Variants in ITGB5 observed in about 807,000 individuals in gnomAD.
ITGB5 encodes the protein integrin subunit beta 5.
In ITGB5, 38 loss-of-function variants were observed where a neutral mutation model predicts 84.8. The ratio of observed to expected loss-of-function variants is 0.45; its 90% confidence interval spans 0.35 to 0.59. The LOEUF is 0.59. ITGB5 is among the 20% of genes least tolerant of loss of function. The probability of loss-of-function intolerance (pLI) is 0.01; values close to 1 mark genes in which losing one functional copy is unlikely to be tolerated. For synonymous variants in ITGB5, 393 were observed against 414.4 expected (o/e 0.95, Z 0.63); for missense variants, 905 against 1,034.5 (o/e 0.87, Z 1.72).
At chr3:124,859,087 T>C (rs1416644761) in intron 3 of ITGB5, among the ~76,000 whole-genome samples, 155 bp downstream of exon 3, 1 of 152,194 alleles carries the variant, frequency 6.6e-6, no homozygotes, top group Non-Finnish European at 1.5e-5. Context: ...AAGAATATAC[T>C]CTGCTTCCTG....
chr3:124,868,618 CAAAA>C (rs67873873), intron 2 of ITGB5, among the ~76,000 whole-genome samples: 22 of 68,154 alleles, frequency 3.2e-4, no homozygotes, highest in African/African-American at 7.1e-4. Flanking sequence ...TGTTCTCTAC[CAAAA>C]AAAAAAAAAA....
chr3:124,851,672 A>C (rs1432313158), intron 3 of ITGB5, among the ~76,000 whole-genome samples: 1 of 151,870 alleles, frequency 6.6e-6, no homozygotes, highest in Non-Finnish European at 1.5e-5. Flanking sequence ...GGAAGGCTGC[A>C]GTTGTTAAAA....
In ITGB5 at chr3:124,841,448, C is replaced by T; in HGVS notation, c.715G>A (p.Val239Met). The change falls in exon 5 of 15, where the codon GTG becomes ATG. Residue 239 changes from valine to methionine, a missense_variant. Around this residue, in one of 3 missense-constraint regions of ITGB5, gnomAD observed 656 missense variants for 734.7 expected, o/e 0.89. Coordinates refer to ENST00000296181, the MANE Select transcript of ITGB5 (RefSeq NM_002213.5). Reference protein sequence around the residue: ...SFNEEVRKQRVSRNRDAPEGG... With the variant: ...SFNEEVRKQRMSRNRDAPEGG... ...TCAGGGGCATCTCGGTTCCGGGACA[C>T]CCTCTGTTTCCGAACTTCCTCATTG... 6.2e-7 allele frequency: 1 copy of T among 1,614,246 alleles called. No homozygotes were observed. Among genetic ancestry groups the T allele is most frequent in the Non-Finnish European group, 8.5e-7 (1 of 1,180,038 alleles).
At chr3:124,825,491 C>A (rs1393863116) in intron 5 of ITGB5, among the ~76,000 whole-genome samples, 1 of 152,186 alleles carries the variant, frequency 6.6e-6, no homozygotes, top group African/African-American at 2.4e-5. Flanking sequence ...TACATCCATA[C>A]AATTAAATAC....
chr3:124,869,750 C>A (rs2065447959), intron 2 of ITGB5, among the ~76,000 whole-genome samples: 1 of 152,154 alleles, frequency 6.6e-6, no homozygotes, highest in South Asian at 2.1e-4. Context: ...AGAGAGGGAG[C>A]CCAGTGGGCT....
intron 3 of ITGB5, among the ~76,000 whole-genome samples, chr3:124,852,112 C>T (rs3772852): frequency 6.6e-6 from 1 of 151,906 alleles, no homozygotes; most frequent in Non-Finnish European, 1.5e-5. Context: ...ACACCCGAGA[C>T]TTTAAGCCAA....
chr3:124,848,676 C>T, intron 3 of ITGB5, 118 bp from the exon 4 acceptor site: 1 of 1,125,562 alleles, frequency 8.9e-7, no homozygotes. Context: ...TTGTGTGCCT[C>T]ACAGAAGATT....
intron 2 of ITGB5, among the ~76,000 whole-genome samples, chr3:124,870,788 C>T (rs917210150): frequency 3.3e-5 from 5 of 149,930 alleles, no homozygotes; most frequent in Admixed American, 3.3e-4. Flanking sequence ...CAAATGGATA[C>T]ACAGATAAAT....
At chr3:124,875,932 GA>G (rs1401332360) in intron 1 of ITGB5, among the ~76,000 whole-genome samples, 3 of 152,146 alleles carry the variant, frequency 2.0e-5, no homozygotes, top group Non-Finnish European at 2.9e-5. Flanking sequence ...ACGTGGAGTG[GA>G]AAAAAACTGA....
chr3:124,835,168 T>TGAAC (rs2064916128), intron 5 of ITGB5, among the ~76,000 whole-genome samples: 1 of 151,936 alleles, frequency 6.6e-6, no homozygotes, highest in Non-Finnish European at 1.5e-5. Context: ...CTCTCCCACG[T>TGAAC]GCCCTGTTCA....
At chr3:124,889,047 G>A (rs1934935087), upstream of ITGB5, among the ~76,000 whole-genome samples, 1 of 152,162 alleles carries the variant, frequency 6.6e-6, no homozygotes. Flanking sequence ...GAAAAATCAA[G>A]CTGGGAACCG....
At chr3:124,850,156 T>G (rs1171669477) in intron 3 of ITGB5, among the ~76,000 whole-genome samples, 1 of 152,036 alleles carries the variant, frequency 6.6e-6, no homozygotes, top group Non-Finnish European at 1.5e-5. Context: ...TCCTCTATGC[T>G]TCCTCTCCTC....
intron 1 of ITGB5, among the ~76,000 whole-genome samples, chr3:124,894,057 A>C (rs1267194805): frequency 6.6e-6 from 1 of 151,514 alleles, no homozygotes; most frequent in Non-Finnish European, 1.5e-5. Context: ...TTCTAGAGGA[A>C]ATATATATTT....
chr3:124,861,521 C>CACACAT (rs2065301034), intron 2 of ITGB5, among the ~76,000 whole-genome samples: 1 of 146,924 alleles, frequency 6.8e-6, no homozygotes, highest in African/African-American at 2.6e-5. Context: ...CACACACACA[C>CACACAT]ACACACAGAG....
intron 4 of ITGB5, among the ~76,000 whole-genome samples, chr3:124,844,553 C>T (rs562493852): frequency 3.3e-5 from 5 of 151,832 alleles, no homozygotes; most frequent in East Asian, 3.9e-4. Context: ...GAGCAAGACT[C>T]GGTCTCAAAA....
chr3:124,763,555 G>A lies in ITGB5; in HGVS notation c.*68C>T. On this transcript the variant is annotated 3_prime_UTR_variant, in exon 15 of 15. Coordinates refer to ENST00000296181, the MANE Select transcript of ITGB5 (RefSeq NM_002213.5). ...TAGGGAGCTGTGATCAAGCCGAGCA[G>A]CCGTGCAAGGCGTTTCAGTCTGACC... 1.1e-6 allele frequency: 1 copy of A among 944,358 alleles called. No homozygotes were observed. The highest frequency in any genetic ancestry group is 1.6e-5 in the African/African-American group (1 of 62,516). The allele number at this position is 944,358 out of a possible 1,614,324, so 58.5% of individuals were successfully genotyped here.
chr3:124,889,173 A>C (rs777620532), upstream of ITGB5, among the ~76,000 whole-genome samples: 2 of 152,188 alleles, frequency 1.3e-5, no homozygotes, highest in Non-Finnish European at 2.9e-5. Flanking sequence ...GACAGAACTC[A>C]AAGTCATCCC....
At chr3:124,841,705 A>G (rs926621532) in intron 4 of ITGB5, among the ~76,000 whole-genome samples, 154 bp from the exon 5 acceptor site, 1 of 152,248 alleles carries the variant, frequency 6.6e-6, no homozygotes, top group African/African-American at 2.4e-5. Flanking sequence ...GAGAGAGCAA[A>G]GATAAATAAC....
chr3:124,780,113 CGGGG>C (rs2063982651), intron 10 of ITGB5, among the ~76,000 whole-genome samples: 1 of 122,580 alleles, frequency 8.2e-6, no homozygotes, highest in African/African-American at 4.3e-5. Flanking sequence ...AGGCAGGGCA[CGGGG>C]ACCCTCAGGG....
Sources: allele counts gnomAD v4.1 joint callset (sites outside exome capture counted in the v4.1 genomes callset), GRCh38; gene constraint gnomAD v4.1.1; regional missense constraint gnomAD v4.1.1; transcripts MANE v1.5; gene names NCBI Gene and HGNC (gene_info 2026-07-23, HGNC 2026-07-21).